Variants in USP37 observed in about 807,000 individuals in gnomAD.
The protein encoded by USP37 is ubiquitin specific peptidase 37.
A neutral mutation model predicts 124.0 loss-of-function variants in USP37; 27 were observed. The observed-to-expected ratio is 0.22, with a 90% confidence interval of 0.16 to 0.30. USP37 has a LOEUF of 0.30. USP37 is among the 10% of genes least tolerant of loss of function. The probability of loss-of-function intolerance (pLI) is 1.00; values close to 1 mark genes in which losing one functional copy is unlikely to be tolerated. For missense variants in USP37, 889 were observed against 1,140.4 expected (o/e 0.78, Z 3.17); for synonymous variants, 365 against 388.0 (o/e 0.94, Z 0.70).
rs1311918274 is a variant in USP37, at chr2:218,483,768, C to G, written c.1671-1534G>C. ...GTACACATAATTTCCTTAGTGACAG[C>G]TGGTAACAACCAATTCTTTGCCTTA... On this transcript the variant is annotated intron_variant, in intron 16 of 25. Transcript: ENST00000258399. 2.6e-5 allele frequency among the ~76,000 whole-genome samples: 4 copies of G among 152,198 alleles called. No individual in the cohort carries two copies. The East Asian group carries it at 7.7e-4, about 29-fold the overall frequency.
Position 218,510,181 on chromosome 2 carries a change from T to C in USP37, c.864-41A>G, listed in dbSNP as rs774104358. ...AATAATGAAGAAGCAAAATAAATTT[T>C]TGAATACTACTATTTTCCTTGAATA... On this transcript the variant is annotated intron_variant, in intron 10 of 25. Coordinates refer to ENST00000258399, the MANE Select transcript of USP37 (RefSeq NM_020935.3). 5.7e-6 allele frequency: 9 copies of C among 1,581,896 alleles called. 1 individual carries two copies. In the East Asian group the frequency reaches 1.6e-4, roughly 28 times the overall value.
rs537807728 is a variant in USP37, at chr2:218,454,829, C to T, written c.*101G>A. 2.3e-5 allele frequency: 35 copies of T among 1,541,868 alleles called. No homozygotes were observed. The highest frequency in any genetic ancestry group is 2.5e-5 in the South Asian group (2 of 79,910). Reference sequence around the variant, plus strand: ...TTGGCCCTGAGCTGTTTGTTGCTCCCGCATCAAGTAGAATTCCAAATTCTC... The same window carrying T: ...TTGGCCCTGAGCTGTTTGTTGCTCCTGCATCAAGTAGAATTCCAAATTCTC... On this transcript the variant is annotated 3_prime_UTR_variant, in exon 26 of 26. Coordinates refer to ENST00000258399, the MANE Select transcript of USP37 (RefSeq NM_020935.3).
intron 15 of USP37, 106 bp downstream of exon 15, chr2:218,488,198 G>C: frequency 2.6e-6 from 1 of 389,670 alleles, no homozygotes; most frequent in Non-Finnish European, 4.3e-6. Context: ...AAAAAAAAAA[G>C]AAAAGAAAAG....
intron 20 of USP37, among the ~76,000 whole-genome samples, chr2:218,466,628 A>G (rs2106411603): frequency 6.6e-6 from 1 of 152,370 alleles, no homozygotes; most frequent in East Asian, 1.9e-4. Flanking sequence ...AAAAACAGCC[A>G]TAGGTCATAG....
chr2:218,507,861 T>C (rs1250354728), intron 11 of USP37, among the ~76,000 whole-genome samples: 1 of 151,186 alleles, frequency 6.6e-6, no homozygotes, highest in Non-Finnish European at 1.5e-5. Flanking sequence ...CATTCAAGCC[T>C]CTTCCCTATA....
At chr2:218,540,006 T>A (rs957267019) in intron 8 of USP37, among the ~76,000 whole-genome samples, 1 of 151,924 alleles carries the variant, frequency 6.6e-6, no homozygotes. Context: ...TGGGACTCCA[T>A]CTCAAAAAAA....
chr2:218,533,091 C>A (rs1009968065), intron 9 of USP37, among the ~76,000 whole-genome samples: 2 of 151,958 alleles, frequency 1.3e-5, no homozygotes, highest in South Asian at 2.1e-4. Flanking sequence ...TGGTCTGGAA[C>A]TACATCTGCA....
At chr2:218,513,205 A>AT (rs1171304622) in intron 10 of USP37, among the ~76,000 whole-genome samples, 28 of 151,640 alleles carry the variant, frequency 1.8e-4, no homozygotes, top group Admixed American at 1.7e-3. Context: ...TAATTTTTGT[A>AT]TTTTTTTGAA....
At chr2:218,464,732 A>T (rs1304468973) in intron 21 of USP37, among the ~76,000 whole-genome samples, 1 of 152,230 alleles carries the variant, frequency 6.6e-6, no homozygotes, top group Non-Finnish European at 1.5e-5. Flanking sequence ...AGGTGACTGT[A>T]ACAGTGGAAA....
chr2:218,546,479 C>T (rs904295682), intron 7 of USP37, among the ~76,000 whole-genome samples, 181 bp from the exon 8 acceptor site: 3 of 152,178 alleles, frequency 2.0e-5, no homozygotes, highest in African/African-American at 2.4e-5. Context: ...AGTGTAGTGA[C>T]ATGATCTTGG....
At chr2:218,463,189 C>T (rs1690118898) in intron 22 of USP37, 117 bp downstream of exon 22, 1 of 144,298 alleles carries the variant, frequency 6.9e-6, no homozygotes, top group Admixed American at 1.0e-4. Flanking sequence ...CACACACACA[C>T]ACACACACAC....
chr2:218,535,482 C>T (rs1439634537), intron 8 of USP37, among the ~76,000 whole-genome samples: 2 of 151,004 alleles, frequency 1.3e-5, no homozygotes, highest in African/African-American at 2.4e-5. Flanking sequence ...GAGGGCGAGG[C>T]GGGCGGATCA....
At chr2:218,528,904 G>C in intron 10 of USP37, 1 of 368,830 alleles carries the variant, frequency 2.7e-6, no homozygotes, top group Non-Finnish European at 4.5e-6. Context: ...ATTAATAAAA[G>C]ACATTCACTG....
intron 10 of USP37, among the ~76,000 whole-genome samples, chr2:218,523,247 G>C (rs1322201231): frequency 1.3e-5 from 2 of 151,810 alleles, no homozygotes; most frequent in African/African-American, 4.8e-5. Context: ...TGTGGGGCAA[G>C]AGCGAGACTT....
intron 11 of USP37, among the ~76,000 whole-genome samples, chr2:218,508,267 GTTTT>G (rs746724978): frequency 3.5e-5 from 5 of 142,908 alleles, no homozygotes. Flanking sequence ...TTTCTACTCA[GTTTT>G]TTTTTCTTTT....
intron 16 of USP37, 39 bp downstream of exon 16, chr2:218,485,625 T>C (rs774103501): frequency 2.0e-6 from 3 of 1,486,698 alleles, no homozygotes; most frequent in Non-Finnish European, 2.7e-6. Flanking sequence ...GGGAATTCTT[T>C]AGTCCATAGC....
chr2:218,475,863 C>T (rs1559170968), intron 19 of USP37, among the ~76,000 whole-genome samples: 2 of 150,796 alleles, frequency 1.3e-5, no homozygotes, highest in Non-Finnish European at 1.5e-5. Context: ...GGGATAGAGA[C>T]TGCAGTGAGC....
intron 22 of USP37, 103 bp downstream of exon 22, chr2:218,463,175 AACACACACACACACACACACACACACAC>A (rs3835979): frequency 0.041 from 21,774 of 529,392 alleles, 449 homozygotes; most frequent in East Asian, 0.13. Flanking sequence ...CCCCACAATA[AACACACACACACACACACACACACACAC>A]ACACACACAC....
intron 6 of USP37, among the ~76,000 whole-genome samples, 180 bp downstream of exon 6, chr2:218,549,629 T>TA (rs2106047912): frequency 6.6e-6 from 1 of 152,280 alleles, no homozygotes; most frequent in African/African-American, 2.4e-5. Context: ...CACGCCTGGC[T>TA]AATTTTTCTA....
Sources: gnomAD v4.1 joint callset for allele counts (sites outside exome capture counted in the v4.1 genomes callset) on GRCh38, gnomAD v4.1.1 for gene constraint, MANE v1.5 for transcripts, NCBI Gene and HGNC (gene_info 2026-07-23, HGNC 2026-07-21) for gene names.